TENT2: variants seen among roughly 807,000 people sequenced by gnomAD.
The protein encoded by TENT2 is terminal nucleotidyltransferase 2.
In TENT2, 44 loss-of-function variants were observed where a neutral mutation model predicts 72.2. That is an observed-to-expected ratio of 0.61 (90% CI 0.48 to 0.78). TENT2 has a LOEUF of 0.78. TENT2 is among the 30% of genes least tolerant of loss of function. TENT2 has a pLI of 0.00. For missense variants in TENT2, 541 were observed against 569.6 expected (o/e 0.95, Z 0.51); for synonymous variants, 212 against 192.5 (o/e 1.10, Z -0.84).
intron 6 of TENT2, 126 bp from the exon 7 acceptor site, chr5:79,642,706 T>C: frequency 1.5e-6 from 1 of 653,506 alleles, no homozygotes; most frequent in Non-Finnish European, 2.5e-6. Flanking sequence ...ATACTTTGAG[T>C]ATATTGAAAA....
intron 14 of TENT2, 26 bp downstream of exon 14, chr5:79,682,087 A>G (rs1237623467): frequency 9.1e-6 from 14 of 1,535,582 alleles, no homozygotes; most frequent in Non-Finnish European, 1.1e-5. Flanking sequence ...GATCAACCCT[A>G]GAAACATTAG....
At chr5:79,642,441 C>T (rs1032419482) in intron 6 of TENT2, among the ~76,000 whole-genome samples, 5 of 152,082 alleles carry the variant, frequency 3.3e-5, no homozygotes, top group Non-Finnish European at 7.4e-5. Context: ...AGCTTTTACA[C>T]AAACTGAGGC....
At position 79,685,232 on chromosome 5, in the gene TENT2, A is replaced by T; in HGVS notation, c.1414A>T (p.Asn472Tyr). The T allele has an allele frequency of 6.2e-7, 1 of 1,607,764 alleles. No homozygotes were observed. Among genetic ancestry groups the T allele is most frequent in the South Asian group, 1.1e-5 (1 of 89,046 alleles). Residue 472 changes from asparagine (N) to tyrosine (Y), a missense_variant, in exon 15 of 15, where the codon AAC becomes TAC. Transcript: ENST00000453514. ...WHRLKNKRDL[N>Y]SILPVRAAVL... ...CAGATTGAAAAACAAGAGAGATTTGAACAGTATACTACCTGTAAGAGCTGC... is the reference window on the plus strand; with the variant it reads ...CAGATTGAAAAACAAGAGAGATTTGTACAGTATACTACCTGTAAGAGCTGC...
intron 10 of TENT2, among the ~76,000 whole-genome samples, chr5:79,654,503 GA>G (rs1484421905): frequency 6.6e-6 from 1 of 152,050 alleles, no homozygotes; most frequent in African/African-American, 2.4e-5. Context: ...AATATTCATG[GA>G]ATGTTTACCA....
intron 4 of TENT2, among the ~76,000 whole-genome samples, chr5:79,635,922 T>A (rs1377659144): frequency 6.6e-6 from 1 of 152,238 alleles, no homozygotes; most frequent in Non-Finnish European, 1.5e-5. Flanking sequence ...TATGTTGATC[T>A]GATCTGCCTG....
chr5:79,688,085 T>C lies in TENT2; in HGVS notation c.*2812T>C, dbSNP rs1259575001. On this transcript the variant is annotated 3_prime_UTR_variant, in exon 15 of 15. Coordinates refer to ENST00000453514, the MANE Select transcript of TENT2 (RefSeq NM_001114394.3). ...CCTCCTTATGCCCCACTAGCTGATGTATCTGTACTGTAATTCAATGATTTA... is the reference window on the plus strand; with the variant it reads ...CCTCCTTATGCCCCACTAGCTGATGCATCTGTACTGTAATTCAATGATTTA... Among the ~76,000 whole-genome samples, 1 of 152,238 alleles carries C rather than the reference T, an allele frequency of 6.6e-6. No individual in the cohort carries two copies. Among genetic ancestry groups the C allele is most frequent in the Non-Finnish European group, 1.5e-5 (1 of 68,040 alleles).
intron 11 of TENT2, among the ~76,000 whole-genome samples, chr5:79,658,726 A>C (rs1458950849): frequency 6.6e-6 from 1 of 152,200 alleles, no homozygotes; most frequent in Non-Finnish European, 1.5e-5. Flanking sequence ...CCTATGCTAC[A>C]TGAAGCTCTT....
intron 11 of TENT2, among the ~76,000 whole-genome samples, chr5:79,662,827 A>T (rs1004999827): frequency 2.0e-5 from 3 of 152,164 alleles, no homozygotes; most frequent in African/African-American, 7.2e-5. Flanking sequence ...CCCTAACAAG[A>T]GTCAGCTTGT....
In TENT2 at chr5:79,680,730, A is replaced by G. The variant is rs189990159; in HGVS notation, c.1300+1060A>G. ...TTTCGCTTTCAGCTTTAAGACATAC[A>G]TAGGTCTTCTCATTCTTGAAAAATA... is the stretch of plus-strand genomic sequence containing the variant. On this transcript the variant is annotated intron_variant, in intron 13 of 14. Coordinates refer to ENST00000453514, the MANE Select transcript of TENT2 (RefSeq NM_001114394.3). Among the ~76,000 whole-genome samples the G allele has an allele frequency of 4.2e-3, 645 of 152,220 alleles. 5 individuals carry two copies. The highest frequency in any genetic ancestry group is 0.014 in the African/African-American group (573 of 41,530).
intron 7 of TENT2, among the ~76,000 whole-genome samples, chr5:79,643,501 A>G (rs1043978208): frequency 6.6e-6 from 1 of 152,206 alleles, no homozygotes; most frequent in African/African-American, 2.4e-5. Flanking sequence ...ATAGAATTTT[A>G]TAGAAAGTTG....
intron 10 of TENT2, among the ~76,000 whole-genome samples, chr5:79,649,850 C>G (rs891621271): frequency 3.9e-5 from 6 of 152,064 alleles, no homozygotes; most frequent in Non-Finnish European, 8.8e-5. Flanking sequence ...ATTTGAAACC[C>G]TTACTTTCAT....
intron 8 of TENT2, 145 bp downstream of exon 8, chr5:79,645,337 A>G (rs748614635): frequency 1.6e-5 from 11 of 678,856 alleles, no homozygotes; most frequent in Non-Finnish European, 2.3e-5. Flanking sequence ...GGTGTTTGAA[A>G]TGGTTTTTTA....
chr5:79,625,378 C>G (rs1768652134), intron 4 of TENT2, among the ~76,000 whole-genome samples: 1 of 152,032 alleles, frequency 6.6e-6, no homozygotes, highest in Non-Finnish European at 1.5e-5. Context: ...TTTTGGTATC[C>G]TTTGAAGCAC....
intron 10 of TENT2, among the ~76,000 whole-genome samples, chr5:79,649,672 C>G (rs1792131640): frequency 6.6e-6 from 1 of 151,986 alleles, no homozygotes. Flanking sequence ...TTAATTTTGT[C>G]TGGTTAGTCA....
chr5:79,622,772 G>A lies in TENT2; in HGVS notation c.228-480G>A, dbSNP rs116587783. Among the ~76,000 whole-genome samples, 1,336 of 152,046 alleles carry A rather than the reference G, an allele frequency of 8.8e-3. 17 individuals carry two copies. The highest frequency in any genetic ancestry group is 0.031 in the African/African-American group (1,296 of 41,450). ...TTGCAGCTCATTTTTGAATTTCTTCGTTGTCCAATGTCTTTATAGCTTTAT... is the reference window on the plus strand; with the variant it reads ...TTGCAGCTCATTTTTGAATTTCTTCATTGTCCAATGTCTTTATAGCTTTAT... On this transcript the variant is annotated intron_variant, in intron 3 of 14. Coordinates refer to ENST00000453514, the MANE Select transcript of TENT2 (RefSeq NM_001114394.3).
chr5:79,617,583 C>T (rs986802954), intron 1 of TENT2: 1 of 152,156 alleles, frequency 6.6e-6, no homozygotes, highest in African/African-American at 2.4e-5. Context: ...GTTAGCTTCC[C>T]ATCACTGTCA....
chr5:79,667,322 T>C (rs1284206891), intron 11 of TENT2, among the ~76,000 whole-genome samples: 1 of 152,210 alleles, frequency 6.6e-6, no homozygotes, highest in African/African-American at 2.4e-5. Context: ...ACTTATTTGA[T>C]CTACATTATA....
At chr5:79,674,712 A>T (rs532944091) in intron 12 of TENT2, among the ~76,000 whole-genome samples, 1 of 152,206 alleles carries the variant, frequency 6.6e-6, no homozygotes, top group Non-Finnish European at 1.5e-5. Flanking sequence ...TTTAAATTTT[A>T]TACTTTTAAT....
chr5:79,614,091 C>CTTTTT (rs530001400), intron 1 of TENT2: 3 of 78,456 alleles, frequency 3.8e-5, no homozygotes, highest in Non-Finnish European at 6.9e-5. Context: ...AGGAATTAAT[C>CTTTTT]TTTTTTTTTT....
Sources: allele counts gnomAD v4.1 joint callset (sites outside exome capture counted in the v4.1 genomes callset), GRCh38; gene constraint gnomAD v4.1.1; transcripts MANE v1.5; gene names NCBI Gene and HGNC (gene_info 2026-07-23, HGNC 2026-07-21).